ST14: variants seen among roughly 807,000 people sequenced by gnomAD.
ST14 encodes the protein ST14 transmembrane serine protease matriptase.
Under a neutral mutation model 96.5 loss-of-function variants are expected in ST14, and 40 were observed. The ratio of observed to expected loss-of-function variants is 0.41; its 90% confidence interval spans 0.32 to 0.54. ST14 has a LOEUF of 0.54. Among genes scored for constraint, ST14 ranks in the 20% least tolerant of loss-of-function variants. The pLI, the probability that ST14 is intolerant of heterozygous loss-of-function variation, is 0.17. For synonymous variants in ST14, 506 were observed against 492.1 expected, an observed-to-expected ratio of 1.03 and a Z score of -0.37; for missense variants, 1,066 against 1,188.9, an observed-to-expected ratio of 0.90 and a Z score of 1.52.
At chr11:130,202,462 T>A (rs550274138) in intron 16 of ST14, among the ~76,000 whole-genome samples, 1 of 152,256 alleles carries the variant, frequency 6.6e-6, no homozygotes, top group Admixed American at 6.5e-5. Context: ...GAGTTTAGAA[T>A]TCTAAACCCA....
rs893384288 is a variant in ST14, at chr11:130,181,996, C to T, written c.82-6118C>T. On this transcript the variant is annotated intron_variant, in intron 1 of 18. Coordinates refer to ENST00000278742, the MANE Select transcript of ST14 (RefSeq NM_021978.4). The surrounding 1 kb of genome is among the most constrained non-coding windows in gnomAD (Gnocchi z 4.1). ...TGAGTCAATGCCCTCAGCCACCTTACCCCTTCTCATGGGAGTCTCTGTCTT... is the reference window on the plus strand; with the variant it reads ...TGAGTCAATGCCCTCAGCCACCTTATCCCTTCTCATGGGAGTCTCTGTCTT... Among the ~76,000 whole-genome samples the T allele has an allele frequency of 1.3e-5, 2 of 152,218 alleles. No homozygotes were observed. Among genetic ancestry groups the T allele is most frequent in the African/African-American group, 4.8e-5 (2 of 41,462 alleles).
intron 9 of ST14, among the ~76,000 whole-genome samples, chr11:130,195,207 C>T (rs934696801): frequency 6.6e-6 from 1 of 152,128 alleles, no homozygotes; most frequent in African/African-American, 2.4e-5. Context: ...ATGACAGTGC[C>T]ATCGCACTCC....
chr11:130,160,082 G>C (rs1410121150), intron 1 of ST14, 22 bp downstream of exon 1: 3 of 1,406,262 alleles, frequency 2.1e-6, no homozygotes, highest in Non-Finnish European at 2.8e-6. Context: ...CCGGGGACCC[G>C]GGGCGCTGGG....
intron 7 of ST14, among the ~76,000 whole-genome samples, chr11:130,192,031 C>T (rs916543167): frequency 1.6e-4 from 24 of 152,184 alleles, no homozygotes; most frequent in Admixed American, 2.0e-4. Context: ...TTACAGAAAA[C>T]GGAAAGGCGT....
chr11:130,194,737 G>A lies in ST14; in HGVS notation c.1113G>A (p.Glu371=). ...ACATTGACTGCACATGGAACATTGA[G>A]GTAGGAGCTATGGGGCGTGTGAACG... ...PPNIDCTWNI[E]VPNNQHVKVR... Residue 371 remains glutamate (E), a splice_region_variant and synonymous_variant, in exon 9 of 19, where the codon GAG becomes GAA. Transcript: ENST00000278742. The A allele has an allele frequency of 6.2e-7, 1 of 1,614,102 alleles. No homozygotes were observed. The highest frequency in any genetic ancestry group is 8.5e-7 in the Non-Finnish European group (1 of 1,179,998).
At chr11:130,200,224 G>A in intron 16 of ST14, 87 bp downstream of exon 16, 3 of 1,496,922 alleles carry the variant, frequency 2.0e-6, no homozygotes, top group East Asian at 2.4e-5. Context: ...ACCGAGGCAG[G>A]GCACTGGAGG....
intron 16 of ST14, among the ~76,000 whole-genome samples, chr11:130,201,095 T>C (rs1245478241): frequency 1.3e-5 from 2 of 152,218 alleles, no homozygotes; most frequent in Non-Finnish European, 2.9e-5. Context: ...GCCTGGCACA[T>C]AGTAGGTGCT....
At position 130,164,718 on chromosome 11, in the gene ST14, C is replaced by CTTATTATTATTATTA. The variant is rs57338069; in HGVS notation, c.81+4679_81+4693dup. 2.2e-3 allele frequency among the ~76,000 whole-genome samples: 318 copies of CTTATTATTATTATTA among 141,588 alleles called. 1 individual carries two copies. Among genetic ancestry groups the CTTATTATTATTATTA allele is most frequent in the African/African-American group, 7.3e-3 (267 of 36,528 alleles). The allele number at this position is 141,588 out of a possible 152,430, so 92.9% of individuals were successfully genotyped here. On this transcript the variant is annotated intron_variant, in intron 1 of 18. Coordinates refer to ENST00000278742, the MANE Select transcript of ST14 (RefSeq NM_021978.4). ...ACAAGTGTGAGCCCCCACACCCAGCCTTATTATTATTATTATTATTATTAT... is the reference window on the plus strand; with the variant it reads ...ACAAGTGTGAGCCCCCACACCCAGCCTTATTATTATTATTATTATTATTATTATTATTATTATTAT...
chr11:130,204,942 G>T lies in ST14; in HGVS notation c.1995-3468G>T, dbSNP rs548690077. ...GCTCCGGGGTCGGGGAGGTGCCCTG[G>T]CTGGGTGGTTCAGTAACCTTTTGAC... On this transcript the variant is annotated intron_variant, in intron 16 of 18. Transcript: ENST00000278742. Among the ~76,000 whole-genome samples, 4 of 152,264 alleles carry T rather than the reference G, an allele frequency of 2.6e-5. No individual in the cohort carries two copies. The South Asian group carries it at 8.3e-4, about 32-fold the overall frequency.
At chr11:130,182,160 T>A (rs1018188843) in intron 1 of ST14, among the ~76,000 whole-genome samples, 1 of 152,196 alleles carries the variant, frequency 6.6e-6, no homozygotes, top group African/African-American at 2.4e-5. Flanking sequence ...CTTCTTTATA[T>A]AACACGGGTG....
intron 16 of ST14, among the ~76,000 whole-genome samples, chr11:130,202,130 A>G (rs566444006): frequency 3.9e-4 from 60 of 152,314 alleles, no homozygotes; most frequent in Middle Eastern, 3.4e-3. Flanking sequence ...TAGCAGGTAG[A>G]GCTAGGAAAT....
At chr11:130,190,026 C>T (rs960127616) in intron 5 of ST14, 87 bp from the exon 6 acceptor site, 21 of 1,610,566 alleles carry the variant, frequency 1.3e-5, no homozygotes, top group Non-Finnish European at 1.4e-5. Context: ...ACGTGCTGGC[C>T]GGGCACCTCC....
At chr11:130,208,097 T>A (rs1050767015) in intron 16 of ST14, among the ~76,000 whole-genome samples, 26 of 151,312 alleles carry the variant, frequency 1.7e-4, no homozygotes, top group Admixed American at 1.2e-3. Context: ...ATAAATAAAT[T>A]ATTTGGATTG....
intron 1 of ST14, among the ~76,000 whole-genome samples, chr11:130,186,054 T>G (rs1464677313): frequency 1.3e-5 from 2 of 152,170 alleles, no homozygotes; most frequent in Non-Finnish European, 2.9e-5. Flanking sequence ...ATGATCCACC[T>G]GCCTCGGCCT....
intron 9 of ST14, among the ~76,000 whole-genome samples, chr11:130,195,864 AAAAG>A (rs1175023675): frequency 1.3e-5 from 2 of 150,460 alleles, no homozygotes; most frequent in Non-Finnish European, 3.0e-5. Context: ...AAAAAAAAAA[AAAAG>A]AAAAGAGGCT....
At chr11:130,195,511 G>A (rs934936544) in intron 9 of ST14, among the ~76,000 whole-genome samples, 1 of 152,160 alleles carries the variant, frequency 6.6e-6, no homozygotes, top group Non-Finnish European at 1.5e-5. Context: ...TCGCCTGTCC[G>A]TGCCGCTCAC....
At chr11:130,198,667 G>A in intron 14 of ST14, 46 bp downstream of exon 14, 1 of 1,558,418 alleles carries the variant, frequency 6.4e-7, no homozygotes, top group South Asian at 1.1e-5. Flanking sequence ...CTCGCCCCTG[G>A]AGGAGGCTGC....
Position 130,189,783 on chromosome 11 carries a change from C to T in ST14, c.485C>T (p.Pro162Leu). Residue 162 changes from proline to leucine, a missense_variant, in exon 5 of 19, where the codon CCG becomes CTG. Pro to Leu is a moderately conservative substitution (Grantham distance 98). Coordinates refer to ENST00000278742, the MANE Select transcript of ST14 (RefSeq NM_021978.4). The part of the protein sequence containing the change: ...IAYYWSEFSI[P>L]QHLVEEAERV... ...TACTACTGGTCTGAGTTCAGCATCC[C>T]GCAGCACCTGGTGGAGGAGGCCGAG... 3 of 1,613,734 alleles carry T rather than the reference C, an allele frequency of 1.9e-6. No individual in the cohort carries two copies. Among genetic ancestry groups the T allele is most frequent in the Non-Finnish European group, 2.5e-6 (3 of 1,179,948 alleles).
intron 1 of ST14, among the ~76,000 whole-genome samples, chr11:130,167,612 C>A (rs1455236259): frequency 6.6e-6 from 1 of 152,238 alleles, no homozygotes; most frequent in Admixed American, 6.5e-5. Context: ...GACAGACCCC[C>A]TTCCCTCCCC....
Sources: gnomAD v4.1 joint callset for allele counts (sites outside exome capture counted in the v4.1 genomes callset) on GRCh38, gnomAD v4.1.1 for gene constraint, Gnocchi (gnomAD v3.1) non-coding constraint, MANE v1.5 for transcripts, NCBI Gene and HGNC (gene_info 2026-07-23, HGNC 2026-07-21) for gene names.